The following CHST13 variants were observed in gnomAD, a reference collection of about 807,000 sequenced individuals.
The protein encoded by CHST13 is C4ST-3.
In CHST13, 1 loss-of-function variant was observed where a neutral mutation model predicts 7.0. That is an observed-to-expected ratio of 0.14 (90% CI 0.05 to 0.68). The LOEUF is 0.68. CHST13 is among the 30% of genes least tolerant of loss of function. The probability of loss-of-function intolerance (pLI) is 0.82; values close to 1 mark genes in which losing one functional copy is unlikely to be tolerated. For missense variants in CHST13, 572 were observed against 507.9 expected, an observed-to-expected ratio of 1.13 and a Z score of -1.21; for synonymous variants, 257 against 240.9, an observed-to-expected ratio of 1.07 and a Z score of -0.62.
In CHST13 at chr3:126,542,824, G is replaced by A; in HGVS notation, c.*246G>A. The A allele has an allele frequency of 4.6e-6, 2 of 432,908 alleles. No homozygotes were observed. The highest frequency in any genetic ancestry group is 7.8e-6 in the Non-Finnish European group (2 of 255,526). 26.8% of individuals were successfully genotyped at this position (432,908 alleles called of 1,614,324 possible). A position where few individuals can be genotyped will look rare whatever the true frequency, so the allele number is the denominator to read the frequency against. Reference sequence around the variant, plus strand: ...CCTGCTTCCTCCACTTGCTCCAGCTGACAGGCACCTCTCCAGGCCCCGTAG... The same window carrying A: ...CCTGCTTCCTCCACTTGCTCCAGCTAACAGGCACCTCTCCAGGCCCCGTAG... On this transcript the variant is annotated 3_prime_UTR_variant, in exon 3 of 3. Coordinates refer to ENST00000319340, the MANE Select transcript of CHST13 (RefSeq NM_152889.3).
chr3:126,531,115 C>T (rs1050034820), intron 1 of CHST13, among the ~76,000 whole-genome samples: 30 of 152,402 alleles, frequency 2.0e-4, no homozygotes, highest in Non-Finnish European at 3.4e-4. Context: ...CCAGGCACTG[C>T]GCTGGCGCAG....
At chr3:126,537,095 T>C (rs1275106101) in intron 2 of CHST13, among the ~76,000 whole-genome samples, 1 of 152,094 alleles carries the variant, frequency 6.6e-6, no homozygotes, top group Non-Finnish European at 1.5e-5. Flanking sequence ...ACACTAATAC[T>C]TAACTAATTC....
Position 126,541,726 on chromosome 3 carries a change from C to T in CHST13, c.181-7C>T. 2 of 1,449,094 alleles carry T rather than the reference C, an allele frequency of 1.4e-6. No homozygotes were observed. The highest frequency in any genetic ancestry group is 1.8e-6 in the Non-Finnish European group (2 of 1,103,268). 89.8% of individuals were successfully genotyped at this position (1,449,094 alleles called of 1,614,324 possible). A position where few individuals can be genotyped will look rare whatever the true frequency, so the allele number is the denominator to read the frequency against. On this transcript the variant is annotated splice_region_variant and splice_polypyrimidine_tract_variant and intron_variant, in intron 2 of 2. Transcript: ENST00000319340. The stretch of plus-strand genomic sequence containing the variant: ...CGTCCCCCTGTCCCGTCTCCTGTCG[C>T]CCACAGGACCCGCGCTCGACCCTGG...
rs1936488449 is a variant in CHST13, at chr3:126,524,179, G to C, written c.-154G>C. Reference sequence around the variant, plus strand: ...CAGTCCCCAGCGACTCGCAGGGGCTGGTGGGGCTGGGGTCCAGCTGCCGTG... The same window carrying C: ...CAGTCCCCAGCGACTCGCAGGGGCTCGTGGGGCTGGGGTCCAGCTGCCGTG... On this transcript the variant is annotated 5_prime_UTR_variant, in exon 1 of 3. Coordinates refer to ENST00000319340, the MANE Select transcript of CHST13 (RefSeq NM_152889.3). The C allele has an allele frequency of 2.3e-6, 1 of 438,986 alleles. No individual in the cohort carries two copies. The highest frequency in any genetic ancestry group is 2.1e-5 in the African/African-American group (1 of 48,344). 27.2% of individuals were successfully genotyped at this position (438,986 alleles called of 1,614,324 possible).
At chr3:126,529,056 C>T (rs1004603964) in intron 1 of CHST13, 11 of 355,022 alleles carry the variant, frequency 3.1e-5, no homozygotes, top group Non-Finnish European at 4.5e-5. Flanking sequence ...AACCAGAAGC[C>T]GAGTGTCATC....
Position 126,542,514 on chromosome 3 carries a change from A to T in CHST13, c.962A>T (p.Asp321Val). 1 of 1,566,546 alleles carries T rather than the reference A, an allele frequency of 6.4e-7. No individual in the cohort carries two copies. Among genetic ancestry groups the T allele is most frequent in the Admixed American group, 2.0e-5 (1 of 50,956 alleles). Reference sequence around the variant, plus strand: ...CCCTTCTACCAGCGGCGCCTCTTCGACCTCTACAAGATGGACTTCCTGCTT... The same window carrying T: ...CCCTTCTACCAGCGGCGCCTCTTCGTCCTCTACAAGATGGACTTCCTGCTT... ...ISPFYQRRLF[D>V]LYKMDFLLFN... The change falls in exon 3 of 3, where the codon GAC (aspartate) becomes GTC (valine). Residue 321 changes from aspartate to valine, a missense_variant. Asp to Val is a radical substitution (Grantham distance 152). Transcript: ENST00000319340.
At chr3:126,533,526 G>T (rs1263848845) in intron 1 of CHST13, among the ~76,000 whole-genome samples, 1 of 152,120 alleles carries the variant, frequency 6.6e-6, no homozygotes, top group Admixed American at 6.5e-5. Flanking sequence ...GTATTACATT[G>T]ATTGATTTGT....
At chr3:126,531,434 GAAGC>G (rs543049552) in intron 1 of CHST13, among the ~76,000 whole-genome samples, 204 of 152,362 alleles carry the variant, frequency 1.3e-3, no homozygotes, top group African/African-American at 4.8e-3. Flanking sequence ...AAGGATCACA[GAAGC>G]ATTTATCCTT....
intron 2 of CHST13, among the ~76,000 whole-genome samples, chr3:126,538,529 G>C (rs1040051549): frequency 1.3e-5 from 2 of 152,240 alleles, no homozygotes; most frequent in East Asian, 3.9e-4. Flanking sequence ...CCCTGAAGCT[G>C]GGCTCATGCC....
In CHST13 at chr3:126,541,930, G is replaced by A. The variant is rs2107573814; in HGVS notation, c.378G>A (p.Ala126=). The change falls in exon 3 of 3, where the codon GCG becomes GCA. Residue 126 remains alanine, a synonymous_variant. Coordinates refer to ENST00000319340, the MANE Select transcript of CHST13 (RefSeq NM_152889.3). ...CCAACTGGAAGCGCGTGCTGCTGGC[G>A]CTGAGCGGCCAAGCCCGCGGCGACC... ...ACTNWKRVLL[A]LSGQARGDPR... is the part of the protein sequence containing the mutation. 2 of 1,594,286 alleles carry A rather than the reference G, an allele frequency of 1.3e-6. No individual in the cohort carries two copies. Among genetic ancestry groups the A allele is most frequent in the Non-Finnish European group, 1.7e-6 (2 of 1,171,376 alleles).
chr3:126,531,279 G>C (rs1487283412), intron 1 of CHST13, among the ~76,000 whole-genome samples: 2 of 152,218 alleles, frequency 1.3e-5, no homozygotes, highest in African/African-American at 4.8e-5. Context: ...CACACAAGCT[G>C]AAGTTTGGGA....
chr3:126,529,087 G>A (rs1226432036), intron 1 of CHST13: 2 of 372,710 alleles, frequency 5.4e-6, no homozygotes, highest in East Asian at 1.5e-4. Context: ...GCTGGACTAG[G>A]GAGTCTGCAA....
rs1056523 is a variant in CHST13, at chr3:126,542,364, C to A, written c.812C>A (p.Ala271Glu). ...YDVVGKFETL[A>E]EDAAFVLGLA... ...GTCGTGGGCAAGTTCGAGACGCTGG[C>A]GGAGGACGCGGCCTTCGTGCTGGGC... The change falls in exon 3 of 3, where the codon GCG becomes GAG. Residue 271 changes from alanine to glutamate, a missense_variant. Coordinates refer to ENST00000319340, the MANE Select transcript of CHST13 (RefSeq NM_152889.3). 6.4e-7 allele frequency: 1 copy of A among 1,560,562 alleles called. No homozygotes were observed. Among genetic ancestry groups the A allele is most frequent in the Non-Finnish European group, 8.7e-7 (1 of 1,154,782 alleles).
chr3:126,535,286 A>G (rs559252777), intron 1 of CHST13, among the ~76,000 whole-genome samples: 2 of 140,580 alleles, frequency 1.4e-5, no homozygotes, highest in East Asian at 4.4e-4. Flanking sequence ...CCTCAGCTGG[A>G]GAAAGACAGA....
chr3:126,541,807 ACG>A lies in CHST13; in HGVS notation c.257_258del (p.Arg86ProfsTer154). 6.4e-7 allele frequency: 1 copy of A among 1,554,764 alleles called. No homozygotes were observed. The highest frequency in any genetic ancestry group is 8.7e-7 in the Non-Finnish European group (1 of 1,151,154). On this transcript the variant is annotated frameshift_variant, in exon 3 of 3. Coordinates refer to ENST00000319340, the MANE Select transcript of CHST13 (RefSeq NM_152889.3). LOFTEE classifies it low-confidence loss of function (END_TRUNC). Reference protein sequence around the residue: ...LLNSACSRHSRRQRLLQPEDL... With the variant: ...LLNSACSRHSXRQRLLQPEDL... ...TGAACAGCGCCTGTAGCCGCCACTC[ACG>A]CCGGCAGCGCCTGCTACAGCCGGAG... is the stretch of plus-strand genomic sequence containing the variant.
At chr3:126,535,293 C>A (rs368433765) in intron 1 of CHST13, among the ~76,000 whole-genome samples, 51 of 148,386 alleles carry the variant, frequency 3.4e-4, no homozygotes, top group African/African-American at 1.3e-3. Context: ...TGGAGAAAGA[C>A]AGACAGCATC....
intron 2 of CHST13, among the ~76,000 whole-genome samples, chr3:126,539,827 C>CA (rs1936903630): frequency 1.0e-5 from 1 of 98,258 alleles, no homozygotes. Context: ...AACACACATA[C>CA]CACACACACA....
chr3:126,535,965 CT>C (rs1936781170), intron 1 of CHST13, among the ~76,000 whole-genome samples: 2 of 152,338 alleles, frequency 1.3e-5, no homozygotes, highest in African/African-American at 4.8e-5. Flanking sequence ...GTGATCTGGC[CT>C]TTCCTAGAGG....
rs1936972848 is a variant in CHST13 at position 126,542,109 on chromosome 3, A to G, written c.557A>G (p.Asn186Ser). Residue 186 changes from asparagine to serine, a missense_variant, in exon 3 of 3, where the codon AAC (asparagine) becomes AGC (serine). By Grantham distance (46) the Asn-to-Ser change is conservative. Transcript: ENST00000319340. ...PFERLASAYR[N>S]KLARPYSAAF... is the part of the protein sequence containing the mutation. The stretch of plus-strand genomic sequence containing the variant: ...GAGCGCCTGGCATCGGCTTACCGCA[A>G]CAAGCTCGCGCGCCCCTACAGCGCC... 1 of 1,580,504 alleles carries G rather than the reference A, an allele frequency of 6.3e-7. No homozygotes were observed.
Sources: gnomAD v4.1 joint callset for allele counts (sites outside exome capture counted in the v4.1 genomes callset) on GRCh38, gnomAD v4.1.1 for gene constraint, MANE v1.5 for transcripts, NCBI Gene and HGNC (gene_info 2026-07-23, HGNC 2026-07-21) for gene names.